Variants in CFTR observed in about 807,000 individuals in gnomAD.
CFTR encodes CF transmembrane conductance regulator.
CFTR carries 181 observed loss-of-function variants against 171.6 expected under a neutral mutation model. The observed-to-expected ratio is 1.05, with a 90% CI of 0.93 to 1.19. The LOEUF (loss-of-function observed/expected upper bound fraction) is 1.19. CFTR is among the 50% of genes most tolerant of loss of function. The pLI is 0.00. For missense variants in CFTR, 1,968 were observed against 1,734.7 expected (o/e 1.13, Z -2.39); for synonymous variants, 583 against 608.0 (o/e 0.96, Z 0.60).
chr7:117,552,246 A>G (rs1234108639), intron 10 of CFTR, among the ~76,000 whole-genome samples: 1 of 152,066 alleles, frequency 6.6e-6, no homozygotes. Context: ...TTTCCGCTTC[A>G]GCCTCCCAAA....
At chr7:117,517,207 T>G (rs1005886382) in intron 3 of CFTR, among the ~76,000 whole-genome samples, 1 of 152,064 alleles carries the variant, frequency 6.6e-6, no homozygotes, top group Admixed American at 6.6e-5. Context: ...TCCCTCCCCT[T>G]GCTCCCCACC....
chr7:117,481,720 C>T (rs1798003590), intron 1 of CFTR, among the ~76,000 whole-genome samples: 1 of 152,224 alleles, frequency 6.6e-6, no homozygotes. Flanking sequence ...TAGGAACTGA[C>T]AATCACCTAA....
chr7:117,592,033 T>C lies in CFTR; in HGVS notation c.1866T>C (p.Gly622=). The C allele has an allele frequency of 6.2e-7, 1 of 1,603,874 alleles. No homozygotes were observed. Among genetic ancestry groups the C allele is most frequent in the Non-Finnish European group, 8.5e-7 (1 of 1,176,448 alleles). ...KADKILILHE[G]SSYFYGTFSE... ...ACAAAATATTAATTTTGCATGAAGGTAGCAGCTATTTTTATGGGACATTTT... is the reference window on the plus strand; with the variant it reads ...ACAAAATATTAATTTTGCATGAAGGCAGCAGCTATTTTTATGGGACATTTT... Residue 622 remains glycine (G), a synonymous_variant, in exon 14 of 27, where the codon GGT becomes GGC. Transcript: ENST00000003084.
intron 20 of CFTR, among the ~76,000 whole-genome samples, chr7:117,612,070 A>G (rs1032448612): frequency 1.3e-5 from 1 of 77,092 alleles, no homozygotes; most frequent in Non-Finnish European, 2.7e-5. Flanking sequence ...TATATATAGT[A>G]TTATCCCTGT....
chr7:117,536,144 T>G (rs1272717808), intron 6 of CFTR, among the ~76,000 whole-genome samples: 2 of 152,190 alleles, frequency 1.3e-5, no homozygotes, highest in Non-Finnish European at 2.9e-5. Context: ...ATAAAGGGCT[T>G]GAGTTTGTCA....
At chr7:117,627,950 A>G (rs1792680960) in intron 22 of CFTR, 180 bp downstream of exon 22, 1 of 655,226 alleles carries the variant, frequency 1.5e-6, no homozygotes, top group South Asian at 1.8e-5. Context: ...TAATTTGCAG[A>G]GTCCTGAACC....
At chr7:117,612,034 T>TATATATATATATATATATATAC in intron 20 of CFTR, among the ~76,000 whole-genome samples, 1 of 77,326 alleles carries the variant, frequency 1.3e-5, no homozygotes, top group Admixed American at 1.2e-4. Flanking sequence ...TATATATATA[T>TATATATATATATATATATATAC]ATATATATAT....
intron 10 of CFTR, among the ~76,000 whole-genome samples, chr7:117,552,870 C>T (rs1048073227): frequency 1.3e-5 from 2 of 152,144 alleles, no homozygotes; most frequent in Non-Finnish European, 1.5e-5. Flanking sequence ...TTCTGTCTCT[C>T]CCCTGCCATT....
intron 3 of CFTR, among the ~76,000 whole-genome samples, chr7:117,519,507 G>A (rs36143091): frequency 0.015 from 2,240 of 151,916 alleles, 58 homozygotes; most frequent in African/African-American, 0.051. Context: ...TTTTTTGTAT[G>A]CATGTTTTCT....
chr7:117,578,768 T>G (rs1178662405), intron 11 of CFTR, among the ~76,000 whole-genome samples: 1 of 152,138 alleles, frequency 6.6e-6, no homozygotes, highest in South Asian at 2.1e-4. Flanking sequence ...CTTTTTGAAG[T>G]AATTCTGAAA....
In CFTR at chr7:117,619,286, A is replaced by G. The variant is rs138427389; in HGVS notation, c.3468+4573A>G. ...GCATTATGTAGCTTAAATAAGCACTAAAGATTCCTATCTGTATGAAAAAAT... is the reference window on the plus strand; with the variant it reads ...GCATTATGTAGCTTAAATAAGCACTGAAGATTCCTATCTGTATGAAAAAAT... On this transcript the variant is annotated intron_variant, in intron 21 of 26. Transcript: ENST00000003084. 3.7e-3 allele frequency among the ~76,000 whole-genome samples: 562 copies of G among 152,330 alleles called. 2 individuals are homozygous for G. Among genetic ancestry groups the G allele is most frequent in the South Asian group, 7.2e-3 (35 of 4,832 alleles).
chr7:117,513,309 G>T (rs1798549939), intron 3 of CFTR, among the ~76,000 whole-genome samples: 1 of 151,940 alleles, frequency 6.6e-6, no homozygotes, highest in South Asian at 2.1e-4. Flanking sequence ...GAAAGGAAGA[G>T]ACTTGGGTAG....
At chr7:117,568,636 T>C (rs1791640815) in intron 11 of CFTR, among the ~76,000 whole-genome samples, 1 of 152,220 alleles carries the variant, frequency 6.6e-6, no homozygotes, top group Non-Finnish European at 1.5e-5. Context: ...CAATTGTAGG[T>C]ATATGTCATT....
At chr7:117,626,712 T>G (rs1481672695) in intron 21 of CFTR, among the ~76,000 whole-genome samples, 1 of 152,112 alleles carries the variant, frequency 6.6e-6, no homozygotes, top group African/African-American at 2.4e-5. Flanking sequence ...GGGTACTTAT[T>G]ATATGCCAAG....
At chr7:117,650,489 G>C (rs1323263007) in intron 23 of CFTR, among the ~76,000 whole-genome samples, 2 of 151,898 alleles carry the variant, frequency 1.3e-5, no homozygotes, top group African/African-American at 4.8e-5. Context: ...TACCTTCCAG[G>C]CCAGAACTGC....
Position 117,668,600 on chromosome 7 carries a change from A to G in CFTR, c.*1492A>G, listed in dbSNP as rs374134325. 2.0e-4 allele frequency: 30 copies of G among 152,776 alleles called. No individual in the cohort carries two copies. In the East Asian group the frequency reaches 4.4e-3, roughly 23 times the overall value. 9.5% of individuals were successfully genotyped at this position (152,776 alleles called of 1,614,324 possible). ...CAACTCCAAACTGACTCTTAAGAAG[A>G]CTGCATTATATTTATTACTGTAAGA... On this transcript the variant is annotated 3_prime_UTR_variant, in exon 27 of 27. Coordinates refer to ENST00000003084, the MANE Select transcript of CFTR (RefSeq NM_000492.4).
chr7:117,522,181 A>G (rs1286181225), intron 3 of CFTR, among the ~76,000 whole-genome samples: 2 of 152,170 alleles, frequency 1.3e-5, no homozygotes, highest in Non-Finnish European at 2.9e-5. Context: ...CTGAACTCAT[A>G]CTGTTCAGAC....
chr7:117,538,449 A>AT (rs568626274), intron 7 of CFTR, among the ~76,000 whole-genome samples: 5 of 151,034 alleles, frequency 3.3e-5, no homozygotes, highest in Admixed American at 6.6e-5. Flanking sequence ...TCTTGGATCT[A>AT]TTTTTTTTTC....
Position 117,595,036 on chromosome 7 carries a change from G to A in CFTR, c.2597G>A (p.Cys866Tyr), listed in dbSNP as rs193922506. 7.6e-5 allele frequency: 123 copies of A among 1,612,548 alleles called. No individual in the cohort carries two copies. Among genetic ancestry groups the A allele is most frequent in the East Asian group, 1.3e-4 (6 of 44,702 alleles). The change falls in exon 15 of 27, where the codon TGC becomes TAC. Residue 866 changes from cysteine (C) to tyrosine (Y), a missense_variant. Cys to Tyr is a radical substitution (Grantham distance 194). Coordinates refer to ENST00000003084, the MANE Select transcript of CFTR (RefSeq NM_000492.4). ...HKSLIFVLIW[C>Y]LVIFLAEVAA... The stretch of plus-strand genomic sequence containing the variant: ...AGCTTAATTTTTGTGCTAATTTGGT[G>A]CTTAGTAATTTTTCTGGCAGAGGTA...
Sources: gnomAD v4.1 joint callset for allele counts (sites outside exome capture counted in the v4.1 genomes callset) on GRCh38, gnomAD v4.1.1 for gene constraint, MANE v1.5 for transcripts, NCBI Gene and HGNC (gene_info 2026-07-23, HGNC 2026-07-21) for gene names.